The following CALN1 variants were observed in gnomAD, a reference collection of about 807,000 sequenced individuals.
The protein encoded by CALN1 is calneuron 1.
CALN1 carries 17 observed loss-of-function variants against 30.6 expected under a neutral mutation model. The observed-to-expected ratio is 0.56, with a 90% CI of 0.38 to 0.83. CALN1 has a LOEUF of 0.83. Among genes scored for constraint, CALN1 ranks in the 40% least tolerant of loss-of-function variants. The pLI, the probability that CALN1 is intolerant of heterozygous loss-of-function variation, is 0.00. For missense variants in CALN1, 291 were observed against 354.9 expected (o/e 0.82, Z 1.45); for synonymous variants, 156 against 131.4 (o/e 1.19, Z -1.28).
intron 3 of CALN1, among the ~76,000 whole-genome samples, chr7:72,192,583 C>A (rs151036369): frequency 1.3e-5 from 2 of 151,852 alleles, no homozygotes; most frequent in African/African-American, 4.8e-5. Context: ...GGTTTTAGGA[C>A]CCGCTAAAAT....
At chr7:72,320,051 G>A (rs1800766801) in intron 2 of CALN1, among the ~76,000 whole-genome samples, 1 of 152,218 alleles carries the variant, frequency 6.6e-6, no homozygotes, top group East Asian at 1.9e-4. Flanking sequence ...AACCCAGGAG[G>A]CAGAGGCTGC....
chr7:72,229,483 G>A lies in CALN1; in HGVS notation c.244+49203C>T, dbSNP rs1055107039. Among the ~76,000 whole-genome samples the A allele has an allele frequency of 2.0e-5, 3 of 152,012 alleles. 1 individual carries two copies. The highest frequency in any genetic ancestry group is 2.4e-5 in the African/African-American group (1 of 41,420). On this transcript the variant is annotated intron_variant, in intron 3 of 6. Transcript: ENST00000395275. ...TTCTACTATAAAGACACATGCACAC[G>A]TATGTTTACTGCAGCACTATTTACA...
rs1182446707 is a variant in CALN1, at chr7:71,779,650, T to C, written c.*8125A>G. ...ACACTAAGATAACATATTAATAATA[T>C]ATACTTCATTTGATCGGTAAGTTGC... On this transcript the variant is annotated 3_prime_UTR_variant, in exon 7 of 7. Transcript: ENST00000395275. The C allele has an allele frequency of 1.3e-5, 2 of 152,236 alleles. No individual in the cohort carries two copies. Among genetic ancestry groups the C allele is most frequent in the Non-Finnish European group, 2.9e-5 (2 of 68,046 alleles). The allele number at this position is 152,236 out of a possible 1,614,324, so 9.4% of individuals were successfully genotyped here.
At chr7:71,975,890 T>C (rs1304724224) in intron 5 of CALN1, among the ~76,000 whole-genome samples, 1 of 150,062 alleles carries the variant, frequency 6.7e-6, no homozygotes, top group Non-Finnish European at 1.5e-5. Flanking sequence ...TTAGGTTAGG[T>C]TGGTGCCAAA....
chr7:72,462,154 T>G, the CALN1 span, among the ~76,000 whole-genome samples: 1 of 151,372 alleles, frequency 6.6e-6, no homozygotes, highest in African/African-American at 2.5e-5. Context: ...TTTATTTAAT[T>G]TATGTATGTA....
At chr7:72,183,212 C>T (rs1310119711) in intron 3 of CALN1, among the ~76,000 whole-genome samples, 2 of 152,032 alleles carry the variant, frequency 1.3e-5, no homozygotes, top group Admixed American at 1.3e-4. Context: ...TACAGGCATG[C>T]GCCACCACGC....
At chr7:71,837,499 T>C (rs990664230) in intron 5 of CALN1, among the ~76,000 whole-genome samples, 1 of 152,120 alleles carries the variant, frequency 6.6e-6, no homozygotes, top group Non-Finnish European at 1.5e-5. Context: ...TGGAGAGATA[T>C]CACTGAGTTT....
chr7:72,262,635 T>C (rs1469726122), intron 3 of CALN1, among the ~76,000 whole-genome samples: 3 of 152,212 alleles, frequency 2.0e-5, no homozygotes, highest in African/African-American at 7.2e-5. Flanking sequence ...TTAATTCACT[T>C]AGGATAATGG....
At chr7:71,994,066 T>C (rs1417395292) in intron 5 of CALN1, among the ~76,000 whole-genome samples, 1 of 151,338 alleles carries the variant, frequency 6.6e-6, no homozygotes, top group Admixed American at 6.6e-5. Context: ...TAGAAAAATA[T>C]GTCTCTTGAG....
chr7:72,113,184 T>C (rs557159994), intron 3 of CALN1, among the ~76,000 whole-genome samples: 58 of 152,264 alleles, frequency 3.8e-4, no homozygotes, highest in Admixed American at 2.6e-3. Context: ...TGGGGCCAGA[T>C]CCTGCATGAA....
At chr7:72,318,685 C>G (rs982987960) in intron 2 of CALN1, among the ~76,000 whole-genome samples, 13 of 143,544 alleles carry the variant, frequency 9.1e-5, no homozygotes, top group Non-Finnish European at 6.0e-5. Flanking sequence ...GAACCACAGG[C>G]ATGCACCACC....
intron 3 of CALN1, among the ~76,000 whole-genome samples, chr7:72,234,508 G>A (rs1019921406): frequency 5.3e-5 from 8 of 151,864 alleles, no homozygotes; most frequent in African/African-American, 1.2e-4. Context: ...ATGCCATGGC[G>A]CGATCTCGGC....
chr7:72,151,447 A>G (rs1417335749), intron 3 of CALN1, among the ~76,000 whole-genome samples: 2 of 152,088 alleles, frequency 1.3e-5, no homozygotes, highest in African/African-American at 4.8e-5. Flanking sequence ...TAAAGATCCT[A>G]TCTCTAAATG....
At chr7:72,063,028 A>G (rs1803771847) in intron 4 of CALN1, among the ~76,000 whole-genome samples, 1 of 152,230 alleles carries the variant, frequency 6.6e-6, no homozygotes, top group African/African-American at 2.4e-5. Context: ...AAGACATTAC[A>G]AGAAAAAACA....
chr7:71,963,362 CA>C (rs1797352658), intron 5 of CALN1, among the ~76,000 whole-genome samples: 1 of 147,814 alleles, frequency 6.8e-6, no homozygotes, highest in Non-Finnish European at 1.5e-5. Context: ...AAGGTTTCAC[CA>C]TGTTGGCCAG....
chr7:72,366,262 C>G (rs1378737931), intron 2 of CALN1, among the ~76,000 whole-genome samples: 1 of 152,080 alleles, frequency 6.6e-6, no homozygotes. Context: ...CAACCTCCAC[C>G]TCCCAGGTTC....
At chr7:72,433,007 C>T (rs1037721078) in intron 1 of CALN1, among the ~76,000 whole-genome samples, 3 of 152,150 alleles carry the variant, frequency 2.0e-5, no homozygotes, top group African/African-American at 7.2e-5. Flanking sequence ...ACATTTGTTA[C>T]TCTTTCTACA....
intron 3 of CALN1, among the ~76,000 whole-genome samples, chr7:72,128,881 T>C (rs1366635833): frequency 6.6e-6 from 1 of 151,994 alleles, no homozygotes; most frequent in Non-Finnish European, 1.5e-5. Flanking sequence ...TCAAGATAAA[T>C]AAAACTTAAA....
At chr7:71,974,294 T>A (rs1488947199) in intron 5 of CALN1, among the ~76,000 whole-genome samples, 1 of 151,590 alleles carries the variant, frequency 6.6e-6, no homozygotes, top group Non-Finnish European at 1.5e-5. Flanking sequence ...GGTACGTGCC[T>A]GTGATCCCAG....
Sources: allele counts gnomAD v4.1 joint callset (sites outside exome capture counted in the v4.1 genomes callset), GRCh38; gene constraint gnomAD v4.1.1; transcripts MANE v1.5; gene names NCBI Gene and HGNC (gene_info 2026-07-23, HGNC 2026-07-21).